KIAA1549: variants seen among roughly 807,000 people sequenced by gnomAD.
KIAA1549 encodes UPF0606 protein KIAA1549.
In KIAA1549, 70 loss-of-function variants were observed where a neutral mutation model predicts 156.4. The ratio of observed to expected loss-of-function variants is 0.45; its 90% CI spans 0.37 to 0.55. The LOEUF (loss-of-function observed/expected upper bound fraction) is 0.55, where lower values mean the gene tolerates loss of function less well. KIAA1549 is among the 20% of genes least tolerant of loss of function. The pLI is 0.00. For missense variants in KIAA1549, 2,428 were observed against 2,540.9 expected, an observed-to-expected ratio of 0.96 and a Z score of 0.96; for synonymous variants, 1,103 against 1,066.4, an observed-to-expected ratio of 1.03 and a Z score of -0.67.
rs190934397 is a variant in KIAA1549, at chr7:138,952,438, A to T, written c.187+28645T>A. ...ATGAGTTTGAGAGCACAGACAAACA[A>T]ACATGTTTTCTTGTTCCTGTTCTTC... On this transcript the variant is annotated intron_variant, in intron 1 of 19. Transcript: ENST00000422774. Among the ~76,000 whole-genome samples, 9 of 152,320 alleles carry T rather than the reference A, an allele frequency of 5.9e-5. No homozygotes were observed. In the East Asian group the frequency reaches 1.7e-3, roughly 29 times the overall value.
At chr7:138,859,034 CA>C (rs1810477819) in intron 16 of KIAA1549, among the ~76,000 whole-genome samples, 2 of 151,686 alleles carry the variant, frequency 1.3e-5, no homozygotes, top group African/African-American at 4.8e-5. Flanking sequence ...CACACACACA[CA>C]CACACACACA....
At chr7:138,968,859 C>CAAAA (rs75576327) in intron 1 of KIAA1549, among the ~76,000 whole-genome samples, 5 of 66,436 alleles carry the variant, frequency 7.5e-5, no homozygotes, top group African/African-American at 1.0e-4. Flanking sequence ...GACTCCGTCT[C>CAAAA]AAAAAAAAAA....
Position 138,916,944 on chromosome 7 carries a change from A to T in KIAA1549, c.2682T>A (p.Gly894=), listed in dbSNP as rs1466728933. ...STTSTGAATG[G]PLDSTLMGDA... Reference sequence around the variant, plus strand: ...CACCCATCAGGGTGGAGTCGAGGGGACCACCAGTGGCAGCACCGGTGCTGG... The same window carrying T: ...CACCCATCAGGGTGGAGTCGAGGGGTCCACCAGTGGCAGCACCGGTGCTGG... Residue 894 remains glycine, a synonymous_variant, in exon 2 of 20, where the codon GGT becomes GGA. Transcript: ENST00000422774. 1.2e-6 allele frequency: 2 copies of T among 1,608,130 alleles called. No individual in the cohort carries two copies. The highest frequency in any genetic ancestry group is 1.7e-6 in the Non-Finnish European group (2 of 1,176,856).
intron 10 of KIAA1549, among the ~76,000 whole-genome samples, chr7:138,890,479 G>A (rs1811516830): frequency 6.6e-6 from 1 of 152,248 alleles, no homozygotes; most frequent in Admixed American, 6.5e-5. Flanking sequence ...GTGGAGACAA[G>A]GCAAAGTTAT....
At chr7:138,926,338 G>A (rs970050872) in intron 1 of KIAA1549, among the ~76,000 whole-genome samples, 13 of 151,928 alleles carry the variant, frequency 8.6e-5, no homozygotes, top group African/African-American at 3.1e-4. Flanking sequence ...CCAGGCTGGA[G>A]TGCAGAGGTG....
At position 138,871,140 on chromosome 7, in the gene KIAA1549, TAAA is replaced by T. The variant is rs1810918505; in HGVS notation, c.4551+14_4551+16del. 6.2e-7 allele frequency: 1 copy of T among 1,607,074 alleles called. No homozygotes were observed. Among genetic ancestry groups the T allele is most frequent in the African/African-American group, 1.3e-5 (1 of 74,922 alleles). ...CCGAGTTTTTTAAGTAACAGACTTT[TAAA>T]TAAAAGCAAATACCTCTTTGTTGAT... On this transcript the variant is annotated intron_variant, in intron 13 of 19. Transcript: ENST00000422774.
At chr7:138,957,820 C>T (rs1813712912) in intron 1 of KIAA1549, among the ~76,000 whole-genome samples, 2 of 152,110 alleles carry the variant, frequency 1.3e-5, no homozygotes, top group African/African-American at 4.8e-5. Flanking sequence ...ACTGGTATCC[C>T]AGGGTCACTT....
At chr7:138,938,640 C>T (rs1027969309) in intron 1 of KIAA1549, among the ~76,000 whole-genome samples, 3 of 152,190 alleles carry the variant, frequency 2.0e-5, no homozygotes, top group Non-Finnish European at 4.4e-5. Flanking sequence ...ATAGATAACC[C>T]AGAAAGCAAT....
chr7:138,932,913 C>T (rs540132953), intron 1 of KIAA1549, among the ~76,000 whole-genome samples: 71 of 152,184 alleles, frequency 4.7e-4, no homozygotes, highest in African/African-American at 1.2e-3. Flanking sequence ...ATGGATAATC[C>T]GAGCCTGAGA....
rs778171120 is a variant in KIAA1549 at position 138,903,796 on chromosome 7, T to A, written c.3521-60A>T. ...ACAAGTCAGCAGTAAAAAAACAGTGTGTGTGTGTGTGTGTGTGTGTGTGTG... is the reference window on the plus strand; with the variant it reads ...ACAAGTCAGCAGTAAAAAAACAGTGAGTGTGTGTGTGTGTGTGTGTGTGTG... On this transcript the variant is annotated intron_variant, in intron 7 of 19. Transcript: ENST00000422774. 16 of 14,532 alleles carry A rather than the reference T, an allele frequency of 1.1e-3. No individual in the cohort carries two copies. The Admixed American group carries it at 0.021, about 19-fold the overall frequency. The allele number at this position is 14,532 out of a possible 1,614,324, so 0.9% of individuals were successfully genotyped here.
At chr7:138,889,658 T>C (rs1448743690) in intron 10 of KIAA1549, among the ~76,000 whole-genome samples, 1 of 152,176 alleles carries the variant, frequency 6.6e-6, no homozygotes, top group Non-Finnish European at 1.5e-5. Flanking sequence ...AATATACAAG[T>C]CCTCTTGGCT....
intron 10 of KIAA1549, among the ~76,000 whole-genome samples, chr7:138,891,416 G>T (rs1343929345): frequency 1.3e-5 from 2 of 152,242 alleles, no homozygotes; most frequent in Non-Finnish European, 2.9e-5. Flanking sequence ...TGATGAAGAG[G>T]ATCCGGGCTG....
At chr7:138,902,392 C>T (rs949701773) in intron 8 of KIAA1549, among the ~76,000 whole-genome samples, 2 of 152,148 alleles carry the variant, frequency 1.3e-5, no homozygotes, top group African/African-American at 4.8e-5. Flanking sequence ...GCCAACACCC[C>T]CTGCTTCAGA....
At chr7:138,946,975 G>C (rs1371328383) in intron 1 of KIAA1549, among the ~76,000 whole-genome samples, 1 of 152,090 alleles carries the variant, frequency 6.6e-6, no homozygotes, top group Non-Finnish European at 1.5e-5. Flanking sequence ...AACAACCCCT[G>C]GTCTCCCAGC....
intron 1 of KIAA1549, among the ~76,000 whole-genome samples, chr7:138,956,709 C>A (rs1251804938): frequency 2.6e-5 from 4 of 152,162 alleles, no homozygotes; most frequent in African/African-American, 7.2e-5. Context: ...TTATAAATTA[C>A]CCAATCTCAG....
chr7:138,869,481 C>A (rs1476780199), intron 14 of KIAA1549, 57 bp downstream of exon 14: 5 of 1,351,526 alleles, frequency 3.7e-6, no homozygotes, highest in South Asian at 1.3e-5. Context: ...TGCTCCTGTG[C>A]CCCCCGCAGC....
chr7:138,927,670 G>C (rs1219907372), intron 1 of KIAA1549, among the ~76,000 whole-genome samples: 1 of 152,186 alleles, frequency 6.6e-6, no homozygotes, highest in Non-Finnish European at 1.5e-5. Context: ...TCGCAGATCA[G>C]AGGATATGTT....
At chr7:138,940,931 G>A (rs1329623293) in intron 1 of KIAA1549, among the ~76,000 whole-genome samples, 3 of 152,050 alleles carry the variant, frequency 2.0e-5, no homozygotes, top group African/African-American at 7.2e-5. Flanking sequence ...TGTCAGATGA[G>A]TAGACTGCAA....
chr7:138,910,600 G>A (rs915856399), intron 4 of KIAA1549, among the ~76,000 whole-genome samples: 1 of 151,458 alleles, frequency 6.6e-6, no homozygotes, highest in Non-Finnish European at 1.5e-5. Context: ...GTTTCGCCAT[G>A]TTGCCCAGGC....
Sources: gnomAD v4.1 joint callset for allele counts (sites outside exome capture counted in the v4.1 genomes callset) on GRCh38, gnomAD v4.1.1 for gene constraint, MANE v1.5 for transcripts, NCBI Gene and HGNC (gene_info 2026-07-23, HGNC 2026-07-21) for gene names.